PCP4: variants seen among roughly 807,000 people sequenced by gnomAD.
PCP4 encodes the protein Purkinje cell protein 4.
PCP4 carries 8 observed loss-of-function variants against 10.0 expected under a neutral mutation model. That is an observed-to-expected ratio of 0.80 (90% CI 0.47 to 1.45). PCP4 has a LOEUF of 1.45. PCP4 is among the 40% of genes most tolerant of loss of function. The pLI is 0.00. For synonymous variants in PCP4, 21 were observed against 23.0 expected (o/e 0.91, Z 0.24); for missense variants, 54 against 74.4 (o/e 0.73, Z 1.01).
intron 2 of PCP4, among the ~76,000 whole-genome samples, chr21:39,921,872 C>T (rs1452582903): frequency 6.6e-6 from 1 of 152,190 alleles, no homozygotes; most frequent in Non-Finnish European, 1.5e-5. Flanking sequence ...ATACTCTTCT[C>T]GACAAGTATC....
intron 1 of PCP4, among the ~76,000 whole-genome samples, chr21:39,895,400 C>G (rs2087452254): frequency 6.6e-6 from 1 of 152,250 alleles, no homozygotes; most frequent in African/African-American, 2.4e-5. Flanking sequence ...AAAACTCCAG[C>G]CTGTGGTGTT....
Position 39,876,431 on chromosome 21 carries a change from G to A in PCP4, c.9+8921G>A, listed in dbSNP as rs8131122. On this transcript the variant is annotated intron_variant, in intron 1 of 2. Transcript: ENST00000328619. Reference sequence around the variant, plus strand: ...TGTCTTCAAGGTTCATCTATGTTGTGGCCTGTGACTATATAGGACATTTTA... The same window carrying A: ...TGTCTTCAAGGTTCATCTATGTTGTAGCCTGTGACTATATAGGACATTTTA... 7.8e-3 allele frequency among the ~76,000 whole-genome samples: 1,185 copies of A among 152,200 alleles called. 11 individuals are homozygous for A. Among genetic ancestry groups the A allele is most frequent in the African/African-American group, 0.027 (1,130 of 41,516 alleles).
intron 1 of PCP4, among the ~76,000 whole-genome samples, chr21:39,880,144 A>G (rs2087366988): frequency 7.6e-6 from 1 of 131,378 alleles, no homozygotes; most frequent in Non-Finnish European, 1.6e-5. Context: ...CTATATCTAT[A>G]TCTATATCTA....
chr21:39,881,593 A>G (rs1892403172), intron 1 of PCP4, among the ~76,000 whole-genome samples: 2 of 152,290 alleles, frequency 1.3e-5, no homozygotes, highest in South Asian at 2.1e-4. Context: ...TGAGTGATGC[A>G]TTACTGAGTT....
chr21:39,890,431 G>T (rs943438310), intron 1 of PCP4, among the ~76,000 whole-genome samples: 1 of 151,958 alleles, frequency 6.6e-6, no homozygotes, highest in Non-Finnish European at 1.5e-5. Flanking sequence ...TCTCGGTTCA[G>T]TGCAACCTCT....
intron 1 of PCP4, among the ~76,000 whole-genome samples, chr21:39,897,277 A>G (rs9680220): frequency 0.042 from 6,410 of 150,880 alleles, 169 homozygotes; most frequent in African/African-American, 0.068. Context: ...AATCCCAGCT[A>G]CTCTGTAGGC....
chr21:39,881,059 C>A (rs1488904023), intron 1 of PCP4, among the ~76,000 whole-genome samples: 1 of 152,038 alleles, frequency 6.6e-6, no homozygotes, highest in Non-Finnish European at 1.5e-5. Flanking sequence ...CTGCGGGGAG[C>A]ATCTGATCAA....
At chr21:39,923,534 G>C (rs1298027110) in intron 2 of PCP4, among the ~76,000 whole-genome samples, 1 of 152,188 alleles carries the variant, frequency 6.6e-6, no homozygotes, top group African/African-American at 2.4e-5. Flanking sequence ...GGAGTATGGA[G>C]GCATCCTCAG....
intron 2 of PCP4, among the ~76,000 whole-genome samples, chr21:39,914,573 C>CAAAA (rs55775259): frequency 0.35 from 41,460 of 118,254 alleles, 7,894 homozygotes; most frequent in Non-Finnish European, 0.4. Context: ...AGAGCTGTCT[C>CAAAA]AAAAAAAAAA....
At chr21:39,884,893 C>T (rs1426561641) in intron 1 of PCP4, among the ~76,000 whole-genome samples, 1 of 152,112 alleles carries the variant, frequency 6.6e-6, no homozygotes, top group Admixed American at 6.5e-5. Flanking sequence ...CTACCCTTGG[C>T]CCTAGAGCCC....
chr21:39,920,406 G>T (rs1354601592), intron 2 of PCP4, among the ~76,000 whole-genome samples: 1 of 149,670 alleles, frequency 6.7e-6, no homozygotes, highest in African/African-American at 2.5e-5. Context: ...GTGTGTTTGT[G>T]TGAGTGTGTG....
At chr21:39,880,368 T>C (rs1245798482) in intron 1 of PCP4, among the ~76,000 whole-genome samples, 1 of 152,184 alleles carries the variant, frequency 6.6e-6, no homozygotes, top group Non-Finnish European at 1.5e-5. Flanking sequence ...TCAGCTTGGC[T>C]GGTGCTGAGG....
chr21:39,911,347 G>C (rs1225571645), intron 2 of PCP4, among the ~76,000 whole-genome samples: 1 of 152,018 alleles, frequency 6.6e-6, no homozygotes, highest in Non-Finnish European at 1.5e-5. Context: ...AGGGAAACAG[G>C]GTTTATTTTC....
At chr21:39,900,614 C>A (rs994440142) in intron 2 of PCP4, among the ~76,000 whole-genome samples, 22 of 152,066 alleles carry the variant, frequency 1.4e-4, no homozygotes, top group African/African-American at 5.3e-4. Flanking sequence ...CACTTAGCAC[C>A]CTCCCTCTAG....
intron 1 of PCP4, 33 bp downstream of exon 1, chr21:39,867,543 TAGG>T (rs1415522191): frequency 6.2e-7 from 1 of 1,608,500 alleles, no homozygotes; most frequent in Non-Finnish European, 8.5e-7. Flanking sequence ...GAGGGAAACT[TAGG>T]AGTGAGAAGG....
intron 2 of PCP4, among the ~76,000 whole-genome samples, chr21:39,924,021 C>G (rs2087609409): frequency 6.6e-6 from 1 of 152,198 alleles, no homozygotes; most frequent in Non-Finnish European, 1.5e-5. Flanking sequence ...CTGGGGCCAT[C>G]TTGCAACAAG....
chr21:39,892,612 G>A (rs894020631), intron 1 of PCP4, among the ~76,000 whole-genome samples: 1 of 151,682 alleles, frequency 6.6e-6, no homozygotes, highest in African/African-American at 2.4e-5. Context: ...TATTTATAGG[G>A]GACATGAGAC....
At chr21:39,886,657 G>A (rs2087402007) in intron 1 of PCP4, among the ~76,000 whole-genome samples, 1 of 152,112 alleles carries the variant, frequency 6.6e-6, no homozygotes, top group Non-Finnish European at 1.5e-5. Flanking sequence ...AAAGTCAGAG[G>A]GAGTTCCAAA....
At chr21:39,895,205 A>T (rs552992740) in intron 1 of PCP4, among the ~76,000 whole-genome samples, 1 of 152,132 alleles carries the variant, frequency 6.6e-6, no homozygotes, top group Non-Finnish European at 1.5e-5. Context: ...CTACCCATCC[A>T]TTCATCCATT....
Sources: gnomAD v4.1 joint callset for allele counts (sites outside exome capture counted in the v4.1 genomes callset) on GRCh38, gnomAD v4.1.1 for gene constraint, MANE v1.5 for transcripts, NCBI Gene and HGNC (gene_info 2026-07-23, HGNC 2026-07-21) for gene names.